MAP9: variants seen among roughly 807,000 people sequenced by gnomAD.
The protein encoded by MAP9 is microtubule-associated protein 9.
MAP9 carries 80 observed loss-of-function variants against 75.2 expected under a neutral mutation model. That is an observed-to-expected ratio of 1.06 (90% CI 0.89 to 1.28). MAP9 has a LOEUF of 1.28. MAP9 is among the 50% of genes most tolerant of loss of function. The pLI is 0.00. For missense variants in MAP9, 753 were observed against 719.9 expected, an observed-to-expected ratio of 1.05 and a Z score of -0.53; for synonymous variants, 235 against 237.3, an observed-to-expected ratio of 0.99 and a Z score of 0.09.
chr4:155,358,739 C>T (rs1731920320), intron 7 of MAP9, among the ~76,000 whole-genome samples: 1 of 151,836 alleles, frequency 6.6e-6, no homozygotes, highest in African/African-American at 2.4e-5. Context: ...AAACAAATAA[C>T]CCCACTAAAA....
Position 155,355,103 on chromosome 4 carries a change from C to A in MAP9, c.1348G>T (p.Glu450Ter). Residue 450 changes from glutamate (E) to a stop codon, truncating the protein, a stop_gained, in exon 10 of 14, where the codon GAA (glutamate) becomes TAA (stop). Coordinates refer to ENST00000311277, the MANE Select transcript of MAP9 (RefSeq NM_001039580.2). LOFTEE classifies it high-confidence loss of function. ...TTTTGGATCCTTAAGTTTTCACTTT[C>A]AATTCTTTTTATTCTGTGCATTTCA... ...LHEMHRIKRI[E>*]SENLRIQNEQ... is the part of the protein sequence containing the mutation. 1 of 1,414,198 alleles carries A rather than the reference C, an allele frequency of 7.1e-7. No individual in the cohort carries two copies. Among genetic ancestry groups the A allele is most frequent in the Non-Finnish European group, 9.6e-7 (1 of 1,042,438 alleles). The allele number at this position is 1,414,198 out of a possible 1,614,324, so 87.6% of individuals were successfully genotyped here.
chr4:155,361,035 A>G (rs1732054866), intron 6 of MAP9: 1 of 152,104 alleles, frequency 6.6e-6, no homozygotes, highest in African/African-American at 2.4e-5. Flanking sequence ...TCAGTTTTGC[A>G]TTTATAGAAT....
rs144604909 is a variant in MAP9, at chr4:155,362,112, T to A, written c.738A>T (p.Ser246=). 9.8e-4 allele frequency: 1,569 copies of A among 1,596,524 alleles called. 13 individuals carry two copies. The African/African-American group carries it at 0.018, about 18-fold the overall frequency. Residue 246 remains serine (S), a synonymous_variant, in exon 6 of 14, where the codon TCA becomes TCT. Coordinates refer to ENST00000311277, the MANE Select transcript of MAP9 (RefSeq NM_001039580.2). ...EDSCLTSLAS[S]SLKQILGDSF... ...AATCTCCAAGAATTTGTTTAAGTGATGATGATGCTAGACTTGTTAAGCATG... is the reference window on the plus strand; with the variant it reads ...AATCTCCAAGAATTTGTTTAAGTGAAGATGATGCTAGACTTGTTAAGCATG...
At chr4:155,359,628 G>A (rs1731974961) in intron 7 of MAP9, among the ~76,000 whole-genome samples, 1 of 151,962 alleles carries the variant, frequency 6.6e-6, no homozygotes, top group East Asian at 1.9e-4. Context: ...AGGTTGCCAG[G>A]GCACCAGTTC....
chr4:155,365,490 A>C (rs949117117), intron 5 of MAP9, among the ~76,000 whole-genome samples: 1 of 152,150 alleles, frequency 6.6e-6, no homozygotes, highest in Admixed American at 6.5e-5. Context: ...GATCTGAATG[A>C]TATTACCAAC....
Position 155,346,836 on chromosome 4 carries a change from T to C in MAP9, c.*947A>G, listed in dbSNP as rs983669077. ...TATGAGACCAGTTACTACGAGGACA[T>C]GCAGAGATCAAATAAATAAATAAAT... On this transcript the variant is annotated 3_prime_UTR_variant, in exon 14 of 14. Transcript: ENST00000311277. The C allele has an allele frequency of 1.3e-5, 2 of 152,572 alleles. No individual in the cohort carries two copies. Among genetic ancestry groups the C allele is most frequent in the Admixed American group, 6.6e-5 (1 of 15,260 alleles). The allele number at this position is 152,572 out of a possible 1,614,324, so 9.5% of individuals were successfully genotyped here.
At position 155,355,816 on chromosome 4, in the gene MAP9, G is replaced by C; in HGVS notation, c.1190C>G (p.Ser397Cys). ...KRRTPSTTTS[S>C]HYLGTLKVLD... ...GACTTTTAAAGTCCCTAAATAGTGA[G>C]AAGAGGTAGTTGTCGATGGAGTTCT... The change falls in exon 9 of 14, where the codon TCT becomes TGT. Residue 397 changes from serine to cysteine, a missense_variant. Physicochemically the swap from Ser to Cys is moderately radical, Grantham distance 112. Transcript: ENST00000311277. 1 of 1,613,756 alleles carries C rather than the reference G, an allele frequency of 6.2e-7. No individual in the cohort carries two copies. The highest frequency in any genetic ancestry group is 8.5e-7 in the Non-Finnish European group (1 of 1,179,782).
At chr4:155,349,353 T>C (rs1731409940) in intron 13 of MAP9, 1 of 942 alleles carries the variant, frequency 1.1e-3, no homozygotes, top group Admixed American at 7.6e-3. Flanking sequence ...GGTTTCTTCA[T>C]CTTGGTATTT....
At chr4:155,355,483 A>G (rs1731734078) in intron 9 of MAP9, among the ~76,000 whole-genome samples, 1 of 152,194 alleles carries the variant, frequency 6.6e-6, no homozygotes. Flanking sequence ...CTGTATTTCT[A>G]TAAATTGCAA....
chr4:155,373,884 T>C (rs1251712662), intron 3 of MAP9, among the ~76,000 whole-genome samples: 1 of 152,188 alleles, frequency 6.6e-6, no homozygotes, highest in Non-Finnish European at 1.5e-5. Context: ...TTACTAATTA[T>C]ATTTTTTCCA....
chr4:155,373,721 A>G (rs1578864276), intron 3 of MAP9, among the ~76,000 whole-genome samples: 1 of 152,206 alleles, frequency 6.6e-6, no homozygotes, highest in African/African-American at 2.4e-5. Context: ...CAAACAACCA[A>G]ACACTGTTTG....
intron 5 of MAP9, chr4:155,367,119 A>G (rs1417987428): frequency 1.3e-5 from 2 of 152,206 alleles, no homozygotes; most frequent in Admixed American, 1.3e-4. Flanking sequence ...CCCAAAATTC[A>G]TGTTCATCCA....
chr4:155,366,227 T>C (rs567759293), intron 5 of MAP9, among the ~76,000 whole-genome samples: 114 of 151,700 alleles, frequency 7.5e-4, no homozygotes, highest in South Asian at 1.9e-3. Context: ...GGCATGGTGG[T>C]GGGTGCCTGT....
chr4:155,348,901 G>A (rs370726775), intron 13 of MAP9, among the ~76,000 whole-genome samples: 8 of 152,136 alleles, frequency 5.3e-5, no homozygotes, highest in African/African-American at 1.9e-4. Context: ...CTTTTTATGT[G>A]TCATTTGCAA....
chr4:155,358,878 T>G (rs997082658), intron 7 of MAP9, among the ~76,000 whole-genome samples: 3 of 152,142 alleles, frequency 2.0e-5, no homozygotes, highest in African/African-American at 7.2e-5. Flanking sequence ...AGATATATTA[T>G]ACTAGTCAGA....
At chr4:155,371,749 A>G (rs1415980164) in intron 4 of MAP9, among the ~76,000 whole-genome samples, 1 of 150,156 alleles carries the variant, frequency 6.7e-6, no homozygotes, top group African/African-American at 2.5e-5. Context: ...AAATAGGTGG[A>G]TTATTGCTTT....
At position 155,368,646 on chromosome 4, in the gene MAP9, C is replaced by T. The variant is rs762706810; in HGVS notation, c.648G>A (p.Thr216=). The change falls in exon 5 of 14, where the codon ACG becomes ACA. Residue 216 remains threonine, a synonymous_variant. Coordinates refer to ENST00000311277, the MANE Select transcript of MAP9 (RefSeq NM_001039580.2). ...ELHSAPSSLP[T]PNGIQLEAEK... ...CAGCTTCTAATTGTATGCCATTCGG[C>T]GTTGGAAGGGAAGAAGGTGCAGAAT... 6.2e-6 allele frequency: 10 copies of T among 1,614,040 alleles called. No individual in the cohort carries two copies. In the Middle Eastern group the frequency reaches 4.9e-4, roughly 80 times the overall value.
intron 10 of MAP9, among the ~76,000 whole-genome samples, chr4:155,353,772 A>T (rs548595719): frequency 1.3e-5 from 2 of 152,292 alleles, no homozygotes; most frequent in South Asian, 4.1e-4. Flanking sequence ...GCCATGCAGT[A>T]AGATGCAGAT....
At chr4:155,356,764 A>G (rs1731808032) in intron 8 of MAP9, among the ~76,000 whole-genome samples, 1 of 152,158 alleles carries the variant, frequency 6.6e-6, no homozygotes, top group African/African-American at 2.4e-5. Flanking sequence ...TCCAATACAG[A>G]CTGTATCGCC....
Sources: allele counts gnomAD v4.1 joint callset (sites outside exome capture counted in the v4.1 genomes callset), GRCh38; gene constraint gnomAD v4.1.1; transcripts MANE v1.5; gene names NCBI Gene and HGNC (gene_info 2026-07-23, HGNC 2026-07-21).